The following ANO4 variants were observed in gnomAD, a reference collection of about 807,000 sequenced individuals.
ANO4 encodes the protein anoctamin-4.
In ANO4, 69 loss-of-function variants were observed where a neutral mutation model predicts 141.9. The ratio of observed to expected loss-of-function variants is 0.49; its 90% CI spans 0.40 to 0.59. The LOEUF is 0.59. Ranked by LOEUF, ANO4 falls within the 20% of genes least tolerant of loss-of-function variation. ANO4 has a pLI of 0.00. For synonymous variants in ANO4, 350 were observed against 394.3 expected (o/e 0.89, Z 1.33); for missense variants, 894 against 1,162.2 (o/e 0.77, Z 3.36).
In ANO4 at chr12:101,098,072, T is replaced by G. The variant is rs2050054588; in HGVS notation, c.2006+127T>G. 1.2e-5 allele frequency: 9 copies of G among 782,366 alleles called. No homozygotes were observed. In the South Asian group the frequency reaches 1.6e-4, roughly 14 times the overall value. The allele number at this position is 782,366 out of a possible 1,614,324, so 48.5% of individuals were successfully genotyped here. On this transcript the variant is annotated intron_variant, in intron 21 of 27. Coordinates refer to ENST00000392977, the MANE Select transcript of ANO4 (RefSeq NM_001286615.2). Reference sequence around the variant, plus strand: ...AGTGCGTGCACCTGGAACTAAGTGCTCACATTTAGACATCCAAAGGCAGCC... The same window carrying G: ...AGTGCGTGCACCTGGAACTAAGTGCGCACATTTAGACATCCAAAGGCAGCC...
intron 1 of ANO4, among the ~76,000 whole-genome samples, chr12:100,897,067 A>G (rs2040384764): frequency 6.6e-6 from 1 of 152,240 alleles, no homozygotes; most frequent in Non-Finnish European, 1.5e-5. Flanking sequence ...TTCTGGCTAC[A>G]GCATCCACAT....
intron 18 of ANO4, 97 bp downstream of exon 18, chr12:101,094,389 C>T (rs2049897833): frequency 1.5e-5 from 14 of 964,988 alleles, no homozygotes; most frequent in Non-Finnish European, 1.9e-5. Context: ...AGAAATAGTC[C>T]CTTTATTTTA....
chr12:101,037,009 C>T, intron 9 of ANO4, 86 bp from the exon 10 acceptor site: 1 of 1,373,732 alleles, frequency 7.3e-7, no homozygotes, highest in South Asian at 1.2e-5. Context: ...TTGTTTCCTC[C>T]AAAAAGCACC....
intron 8 of ANO4, among the ~76,000 whole-genome samples, chr12:100,989,041 G>C (rs1338669661): frequency 6.6e-6 from 1 of 152,122 alleles, no homozygotes; most frequent in African/African-American, 2.4e-5. Context: ...AAGAATAGAT[G>C]TTCTGAATCA....
At chr12:100,943,660 A>T (rs2042602193) in intron 5 of ANO4, among the ~76,000 whole-genome samples, 1 of 152,168 alleles carries the variant, frequency 6.6e-6, no homozygotes, top group African/African-American at 2.4e-5. Context: ...GGAAAGAAGA[A>T]CCAGCTTTCT....
intron 14 of ANO4, among the ~76,000 whole-genome samples, chr12:101,070,086 A>T (rs1269903614): frequency 6.6e-6 from 1 of 152,192 alleles, no homozygotes; most frequent in African/African-American, 2.4e-5. Context: ...AGATGCCCAC[A>T]CTACCCAAAG....
chr12:100,805,892 C>T (rs2034991178), intron 1 of ANO4, among the ~76,000 whole-genome samples: 1 of 152,108 alleles, frequency 6.6e-6, no homozygotes, highest in African/African-American at 2.4e-5. Flanking sequence ...CATGTGGCCA[C>T]AAGGTCCCTG....
chr12:101,077,608 G>T (rs536105757), intron 14 of ANO4, among the ~76,000 whole-genome samples: 3 of 152,260 alleles, frequency 2.0e-5, no homozygotes, highest in African/African-American at 7.2e-5. Flanking sequence ...GAATCTTTCA[G>T]ATTTTAGGAA....
chr12:100,957,785 T>C (rs73375033), intron 5 of ANO4, among the ~76,000 whole-genome samples: 3,372 of 152,278 alleles, frequency 0.022, 108 homozygotes, highest in African/African-American at 0.075. Flanking sequence ...CCTGCAGAAC[T>C]ATGAACTAAA....
rs140110342 is a variant in ANO4 at position 101,007,735 on chromosome 12, T to G, written c.735-12299T>G. On this transcript the variant is annotated intron_variant, in intron 8 of 27. Coordinates refer to ENST00000392977, the MANE Select transcript of ANO4 (RefSeq NM_001286615.2). ...ACTCAGAGTTTTGTTTTTGTTTCAT[T>G]TGGAGATAAGGTCTTGCTCTGTCAC... is the stretch of plus-strand genomic sequence containing the variant. Among the ~76,000 whole-genome samples the G allele has an allele frequency of 4.7e-3, 719 of 152,268 alleles. 1 individual carries two copies. The highest frequency in any genetic ancestry group is 7.5e-3 in the Non-Finnish European group (512 of 68,010).
chr12:101,114,599 G>A (rs936984504), intron 24 of ANO4, among the ~76,000 whole-genome samples: 7 of 152,096 alleles, frequency 4.6e-5, no homozygotes, highest in Non-Finnish European at 2.9e-5. Flanking sequence ...ATAAAGCCTC[G>A]GGGCTGGTCT....
intron 6 of ANO4, among the ~76,000 whole-genome samples, chr12:100,973,295 CCTA>C (rs1168642400): frequency 6.6e-6 from 1 of 152,146 alleles, no homozygotes; most frequent in African/African-American, 2.4e-5. Flanking sequence ...GAGGAATTCT[CCTA>C]CTACATCATT....
intron 3 of ANO4, among the ~76,000 whole-genome samples, chr12:100,922,852 G>A (rs183369441): frequency 1.6e-4 from 25 of 152,102 alleles, no homozygotes; most frequent in Non-Finnish European, 2.6e-4. Context: ...GCTCTTCTTC[G>A]AGTATTTTAT....
At position 100,794,875 on chromosome 12, in the gene ANO4, G is replaced by A. The variant is rs1045692765; in HGVS notation, c.-293G>A. The A allele has an allele frequency of 6.5e-6, 1 of 152,682 alleles. No homozygotes were observed. The allele number at this position is 152,682 out of a possible 1,614,324, so 9.5% of individuals were successfully genotyped here. A position where few individuals can be genotyped will look rare whatever the true frequency, so the allele number is the denominator to read the frequency against. The stretch of plus-strand genomic sequence containing the variant: ...TACGGCCCGAGGGGAGGCTGAAAAG[G>A]ACTTGTGTGTGGTGGTTTTATTGCC... On this transcript the variant is annotated 5_prime_UTR_variant, in exon 1 of 28. Transcript: ENST00000392977.
chr12:100,780,356 G>C (rs543086773), intron 3 of ANO4, among the ~76,000 whole-genome samples: 1 of 152,258 alleles, frequency 6.6e-6, no homozygotes, highest in South Asian at 2.1e-4. Flanking sequence ...CTGCTCCACA[G>C]ACAGAGCAGG....
chr12:100,841,612 G>A (rs886884164), intron 1 of ANO4, among the ~76,000 whole-genome samples: 5 of 152,118 alleles, frequency 3.3e-5, no homozygotes, highest in Admixed American at 1.3e-4. Context: ...AATAAAGTGA[G>A]GGAGCATAGG....
At chr12:100,891,468 A>G (rs1167612644) in intron 1 of ANO4, among the ~76,000 whole-genome samples, 1 of 152,170 alleles carries the variant, frequency 6.6e-6, no homozygotes, top group African/African-American at 2.4e-5. Flanking sequence ...GTCGCACTGT[A>G]TTCTTGCCAT....
At chr12:100,968,751 A>G (rs1394786560) in intron 5 of ANO4, among the ~76,000 whole-genome samples, 1 of 152,204 alleles carries the variant, frequency 6.6e-6, no homozygotes, top group Non-Finnish European at 1.5e-5. Context: ...CTGAAGTCCA[A>G]CAAATGCTCA....
chr12:101,115,194 T>C (rs2050806264), intron 24 of ANO4, among the ~76,000 whole-genome samples: 1 of 152,214 alleles, frequency 6.6e-6, no homozygotes, highest in African/African-American at 2.4e-5. Context: ...CCACTCATGT[T>C]TATCTTACTT....
Sources: gnomAD v4.1 joint callset for allele counts (sites outside exome capture counted in the v4.1 genomes callset) on GRCh38, gnomAD v4.1.1 for gene constraint, MANE v1.5 for transcripts, NCBI Gene and HGNC (gene_info 2026-07-23, HGNC 2026-07-21) for gene names.